Variants in AMDHD1 observed in about 807,000 individuals in gnomAD.
The protein encoded by AMDHD1 is amidohydrolase domain containing 1.
AMDHD1 carries 45 observed loss-of-function variants against 44.1 expected under a neutral mutation model. That is an observed-to-expected ratio of 1.02 (90% CI 0.80 to 1.31). The LOEUF is 1.31. Among genes scored for constraint, AMDHD1 ranks in the 50% most tolerant of loss-of-function variants. The probability of loss-of-function intolerance (pLI) is 0.00; values close to 1 mark genes in which losing one functional copy is unlikely to be tolerated. For missense variants in AMDHD1, 586 were observed against 552.1 expected, an observed-to-expected ratio of 1.06 and a Z score of -0.61; for synonymous variants, 206 against 205.0, an observed-to-expected ratio of 1.00 and a Z score of -0.04.
intron 1 of AMDHD1, among the ~76,000 whole-genome samples, chr12:95,949,471 A>G (rs2080517103): frequency 1.3e-5 from 2 of 152,214 alleles, no homozygotes; most frequent in South Asian, 4.1e-4. Context: ...AATTTCTCAG[A>G]ATACAAAGTA....
intron 6 of AMDHD1, 57 bp from the exon 7 acceptor site, chr12:95,965,629 A>G (rs78863825): frequency 4.3e-6 from 5 of 1,169,624 alleles, no homozygotes; most frequent in Non-Finnish European, 6.3e-6. Context: ...TGTTCTGAAC[A>G]GCTATTCTAC....
In AMDHD1 at chr12:95,960,620, T is replaced by C. The variant is rs763146421; in HGVS notation, c.810T>C (p.Ala270=). The change falls in exon 5 of 9, where the codon GCT becomes GCC. Residue 270 remains alanine, a synonymous_variant. Transcript: ENST00000266736. The part of the protein sequence containing the change: ...HGDELHPMKA[A]ELGAELGAQA... Reference sequence around the variant, plus strand: ...ATGAACTCCACCCGATGAAGGCTGCTGAGGTGTGGTTGACTTTTAGTTTTT... The same window carrying C: ...ATGAACTCCACCCGATGAAGGCTGCCGAGGTGTGGTTGACTTTTAGTTTTT... The C allele has an allele frequency of 6.2e-7, 1 of 1,612,346 alleles. No homozygotes were observed. Among genetic ancestry groups the C allele is most frequent in the South Asian group, 1.1e-5 (1 of 90,876 alleles).
intron 6 of AMDHD1, among the ~76,000 whole-genome samples, chr12:95,963,827 T>C (rs1296137093): frequency 6.6e-6 from 1 of 152,088 alleles, no homozygotes; most frequent in African/African-American, 2.4e-5. Flanking sequence ...GGCCAAGAGT[T>C]CAAGACCAGA....
chr12:95,950,630 C>T lies in AMDHD1; in HGVS notation c.138-2087C>T, dbSNP rs1422973541. 2.6e-5 allele frequency among the ~76,000 whole-genome samples: 4 copies of T among 152,202 alleles called. No homozygotes were observed. In the East Asian group the frequency reaches 7.7e-4, roughly 29 times the overall value. On this transcript the variant is annotated intron_variant, in intron 1 of 8. Coordinates refer to ENST00000266736, the MANE Select transcript of AMDHD1 (RefSeq NM_152435.3). ...CAATACTCCATGGGGTCCTTAGGAG[C>T]CAGGCCCCTGCTGCCTTGCTCTCCC...
Position 95,966,354 on chromosome 12 carries a change from G to A in AMDHD1, c.1039G>A (p.Val347Ile), listed in dbSNP as rs146251081. The A allele has an allele frequency of 1.9e-3, 3,056 of 1,614,076 alleles. 3 individuals carry two copies. The highest frequency in any genetic ancestry group is 1.8e-3 in the South Asian group (167 of 91,044). Residue 347 changes from valine (V) to isoleucine (I), a missense_variant, in exon 8 of 9, where the codon GTC (valine) becomes ATC (isoleucine). Transcript: ENST00000266736. ...TTTTCTCTTCCTGCCTTAGCCAATG[G>A]TCATGCATCTGGCCTGTGTAAACAT... The part of the protein sequence containing the change: ...PNAYCFSMPM[V>I]MHLACVNMRM...
intron 5 of AMDHD1, among the ~76,000 whole-genome samples, chr12:95,960,967 C>T (rs144405422): frequency 0.011 from 1,659 of 152,008 alleles, 14 homozygotes; most frequent in Non-Finnish European, 0.018. Flanking sequence ...CTGGCTAACA[C>T]GGTGAAACCC....
chr12:95,959,227 A>G (rs751236450), intron 4 of AMDHD1, among the ~76,000 whole-genome samples: 12 of 152,172 alleles, frequency 7.9e-5, no homozygotes, highest in Non-Finnish European at 1.6e-4. Flanking sequence ...CCATCTGCCA[A>G]TGAGCCTCTG....
chr12:95,960,934 G>A lies in AMDHD1; in HGVS notation c.813+311G>A, dbSNP rs572251936. Among the ~76,000 whole-genome samples the A allele has an allele frequency of 2.4e-4, 36 of 152,156 alleles. 1 individual carries two copies. The highest frequency in any genetic ancestry group is 4.2e-4 in the South Asian group (2 of 4,814). On this transcript the variant is annotated intron_variant, in intron 5 of 8. Coordinates refer to ENST00000266736, the MANE Select transcript of AMDHD1 (RefSeq NM_152435.3). ...TGGGAGGCCGAGGTGGGTTGATCAC[G>A]AGGTCAGGAGTTTGAGACCAGCCTG...
chr12:95,964,032 TA>T (rs35799594), intron 6 of AMDHD1, among the ~76,000 whole-genome samples: 27,116 of 119,312 alleles, frequency 0.23, 3,306 homozygotes, highest in East Asian at 0.52. Flanking sequence ...GATTCCATCT[TA>T]AAAAAAAAAA....
At chr12:95,955,742 T>C (rs1248010274) in intron 3 of AMDHD1, among the ~76,000 whole-genome samples, 1 of 152,186 alleles carries the variant, frequency 6.6e-6, no homozygotes, top group Non-Finnish European at 1.5e-5. Flanking sequence ...AGCTGGAGGA[T>C]GGCAGAACCC....
At position 95,962,343 on chromosome 12, in the gene AMDHD1, C is replaced by T; in HGVS notation, c.814-12C>T. ...TTTGTTAAATCTTTCCCTCTCTGCC[C>T]ATTCTCCTTAGCTTGGGGCTGAACT... is the stretch of plus-strand genomic sequence containing the variant. On this transcript the variant is annotated splice_polypyrimidine_tract_variant and intron_variant, in intron 5 of 8. Coordinates refer to ENST00000266736, the MANE Select transcript of AMDHD1 (RefSeq NM_152435.3). 1 of 1,609,090 alleles carries T rather than the reference C, an allele frequency of 6.2e-7. No homozygotes were observed. The highest frequency in any genetic ancestry group is 2.2e-5 in the East Asian group (1 of 44,668).
chr12:95,944,116 A>G (rs1300149844), intron 1 of AMDHD1, among the ~76,000 whole-genome samples: 1 of 152,194 alleles, frequency 6.6e-6, no homozygotes, highest in African/African-American at 2.4e-5. Flanking sequence ...TCTCTTACTC[A>G]TCTGAGCTTC....
rs766298210 is a variant in AMDHD1, at chr12:95,956,723, A to G, written c.348A>G (p.Gly116=). ...GATYMEIHQA[G]GGIHFTVERT... ...CCTACATGGAAATTCACCAGGCCGG[A>G]GGAGGGATCCACTTTACCGTGGAGC... The change falls in exon 4 of 9, where the codon GGA becomes GGG. Residue 116 remains glycine, a synonymous_variant. Coordinates refer to ENST00000266736, the MANE Select transcript of AMDHD1 (RefSeq NM_152435.3). 5.0e-6 allele frequency: 8 copies of G among 1,614,186 alleles called. No individual in the cohort carries two copies. Among genetic ancestry groups the G allele is most frequent in the Non-Finnish European group, 5.9e-6 (7 of 1,180,030 alleles).
At position 95,966,385 on chromosome 12, in the gene AMDHD1, T is replaced by C. The variant is rs763835378; in HGVS notation, c.1070T>C (p.Met357Thr). The C allele has an allele frequency of 3.1e-6, 5 of 1,614,250 alleles. No individual in the cohort carries two copies. In the Admixed American group the frequency reaches 8.3e-5, roughly 27 times the overall value. ...VMHLACVNMR[M>T]SMPEALAAAT... Reference sequence around the variant, plus strand: ...CATCTGGCCTGTGTAAACATGAGAATGTCCATGCCTGAGGCCTTGGCCGCT... The same window carrying C: ...CATCTGGCCTGTGTAAACATGAGAACGTCCATGCCTGAGGCCTTGGCCGCT... The change falls in exon 8 of 9, where the codon ATG becomes ACG. Residue 357 changes from methionine (M) to threonine (T), a missense_variant. Met to Thr is a moderately conservative substitution (Grantham distance 81). Coordinates refer to ENST00000266736, the MANE Select transcript of AMDHD1 (RefSeq NM_152435.3).
At chr12:95,945,235 G>A (rs1181706086) in intron 1 of AMDHD1, among the ~76,000 whole-genome samples, 1 of 152,186 alleles carries the variant, frequency 6.6e-6, no homozygotes, top group Non-Finnish European at 1.5e-5. Flanking sequence ...ACCACAAAAA[G>A]TAGGGAAAGG....
chr12:95,965,581 C>T, intron 6 of AMDHD1, 105 bp from the exon 7 acceptor site: 1 of 620,278 alleles, frequency 1.6e-6, no homozygotes, highest in Non-Finnish European at 2.8e-6. Flanking sequence ...GCTTCTTCTT[C>T]CAGAATATGA....
chr12:95,960,259 T>A, intron 4 of AMDHD1, 139 bp from the exon 5 acceptor site: 1 of 709,560 alleles, frequency 1.4e-6, no homozygotes. Flanking sequence ...TAGTTGTAGC[T>A]TTGAGTCTTT....
At chr12:95,960,207 A>G (rs139451717) in intron 4 of AMDHD1, among the ~76,000 whole-genome samples, 191 bp from the exon 5 acceptor site, 29 of 152,286 alleles carry the variant, frequency 1.9e-4, no homozygotes, top group African/African-American at 6.7e-4. Flanking sequence ...AGTCTTGTCA[A>G]TACCTCCACT....
At chr12:95,961,518 C>T (rs1219005690) in intron 5 of AMDHD1, among the ~76,000 whole-genome samples, 1 of 152,186 alleles carries the variant, frequency 6.6e-6, no homozygotes, top group Non-Finnish European at 1.5e-5. Flanking sequence ...TAAACAAGCC[C>T]TTGGGGCATA....
Sources: gnomAD v4.1 joint callset for allele counts (sites outside exome capture counted in the v4.1 genomes callset) on GRCh38, gnomAD v4.1.1 for gene constraint, MANE v1.5 for transcripts, NCBI Gene and HGNC (gene_info 2026-07-23, HGNC 2026-07-21) for gene names.